Variants in CTBP2 observed in about 807,000 individuals in gnomAD.
CTBP2 encodes the protein C-terminal binding protein 2, also known as C-terminal-binding protein 2.
A neutral mutation model predicts 80.3 loss-of-function variants in CTBP2; 30 were observed. That is an observed-to-expected ratio of 0.37 (90% CI 0.28 to 0.51). The LOEUF (loss-of-function observed/expected upper bound fraction) is 0.51, where lower values mean the gene tolerates loss of function less well. Among genes scored for constraint, CTBP2 ranks in the 20% least tolerant of loss-of-function variants. The pLI, the probability that CTBP2 is intolerant of heterozygous loss-of-function variation, is 0.93. For missense variants in CTBP2, 1,212 were observed against 1,375.3 expected, an observed-to-expected ratio of 0.88 and a Z score of 1.88; for synonymous variants, 594 against 587.4, an observed-to-expected ratio of 1.01 and a Z score of -0.16.
At chr10:125,081,435 T>C (rs964550100) in intron 2 of CTBP2, among the ~76,000 whole-genome samples, 1 of 152,198 alleles carries the variant, frequency 6.6e-6, no homozygotes, top group African/African-American at 2.4e-5. Flanking sequence ...GGCACTGTGT[T>C]TAGGAAAAAT....
rs1951998556 is a variant in CTBP2, at chr10:124,984,888, CT to C, written c.*4629del. On this transcript the variant is annotated 3_prime_UTR_variant, in exon 9 of 9. Coordinates refer to ENST00000309035, the MANE Select transcript of CTBP2 (RefSeq NM_022802.3). ...GAGTTCTCGGCGGCGAAATCACCCC[CT>C]GGTCACTCAGATGGTAGAAAAATGG... The C allele has an allele frequency of 6.2e-7, 1 of 1,613,946 alleles. No homozygotes were observed. Among genetic ancestry groups the C allele is most frequent in the Non-Finnish European group, 8.5e-7 (1 of 1,180,032 alleles).
intron 3 of CTBP2, among the ~76,000 whole-genome samples, chr10:125,034,659 T>C (rs1476182917): frequency 6.6e-6 from 1 of 152,232 alleles, no homozygotes; most frequent in Non-Finnish European, 1.5e-5. Context: ...TTCAACTCTG[T>C]TTCTTTACGA....
chr10:125,046,531 C>A (rs1961285941), intron 2 of CTBP2, among the ~76,000 whole-genome samples: 2 of 66,280 alleles, frequency 3.0e-5, no homozygotes, highest in South Asian at 6.4e-4. Context: ...GAGTGAGACT[C>A]TATCTCAAAA....
chr10:125,004,438 C>T (rs1954964816), intron 1 of CTBP2, among the ~76,000 whole-genome samples: 1 of 151,196 alleles, frequency 6.6e-6, no homozygotes, highest in Non-Finnish European at 1.5e-5. Flanking sequence ...GACAGAGAAG[C>T]AGCATTTTCT....
chr10:125,027,547 G>T lies in CTBP2; in HGVS notation c.213C>A (p.Tyr71Ter), dbSNP rs768584860. ...CCACTGAGTTATAAACGGCCTCCCG[G>T]TACAGGTAGGGCTCGGCGGCCACGG... The change falls in exon 1 of 9, where the codon TAC becomes TAA. Residue 71 changes from tyrosine to a stop codon, truncating the protein, a stop_gained. Transcript: ENST00000309035. LOFTEE classifies it high-confidence loss of function. 6.2e-7 allele frequency: 1 copy of T among 1,614,026 alleles called. No homozygotes were observed. Among genetic ancestry groups the T allele is most frequent in the African/African-American group, 1.3e-5 (1 of 74,922 alleles).
intron 2 of CTBP2, among the ~76,000 whole-genome samples, chr10:125,110,763 A>G (rs764598704): frequency 4.6e-5 from 7 of 152,174 alleles, no homozygotes; most frequent in Non-Finnish European, 7.3e-5. Context: ...ATCACTTTAC[A>G]CTGAACTATA....
At chr10:125,016,434 C>T (rs935132438) in intron 1 of CTBP2, among the ~76,000 whole-genome samples, 2 of 152,352 alleles carry the variant, frequency 1.3e-5, no homozygotes, top group East Asian at 1.9e-4. Flanking sequence ...AAATGAACAA[C>T]ACGTCCTCCC....
At chr10:125,041,514 C>G (rs1478989314) in intron 2 of CTBP2, among the ~76,000 whole-genome samples, 5 of 115,134 alleles carry the variant, frequency 4.3e-5, no homozygotes, top group East Asian at 3.2e-4. Flanking sequence ...ACCCCCCCCC[C>G]CCCCACCCAC....
chr10:124,990,376 C>T (rs1236217589), intron 8 of CTBP2, among the ~76,000 whole-genome samples: 2 of 152,146 alleles, frequency 1.3e-5, no homozygotes, highest in Non-Finnish European at 1.5e-5. Flanking sequence ...AGTTTATCTT[C>T]CCTATCCCCA....
chr10:125,124,609 A>G (rs971193981), intron 1 of CTBP2, among the ~76,000 whole-genome samples: 1 of 152,206 alleles, frequency 6.6e-6, no homozygotes, highest in Admixed American at 6.5e-5. Flanking sequence ...CAAATCATCA[A>G]CATTGCTTAG....
At chr10:124,997,667 A>G (rs1953810821) in intron 4 of CTBP2, 3 of 458,050 alleles carry the variant, frequency 6.5e-6, no homozygotes, top group Non-Finnish European at 1.2e-5. Context: ...TGCCCAGGGA[A>G]ATTTACTGGG....
chr10:125,121,129 G>A (rs572271972), intron 1 of CTBP2, among the ~76,000 whole-genome samples: 1 of 152,326 alleles, frequency 6.6e-6, no homozygotes, highest in Admixed American at 6.5e-5. Context: ...GGAGCCCTTG[G>A]GTGAGGCTGT....
chr10:124,998,373 C>CCCT (rs1255639635), intron 3 of CTBP2: 2 of 609,036 alleles, frequency 3.3e-6, no homozygotes, highest in Non-Finnish European at 5.8e-6. Flanking sequence ...CAACATCTAC[C>CCCT]CCTCCCTCCC....
At chr10:125,152,067 C>T (rs1860049691) in intron 1 of CTBP2, among the ~76,000 whole-genome samples, 1 of 151,804 alleles carries the variant, frequency 6.6e-6, no homozygotes, top group African/African-American at 2.4e-5. Context: ...AGGGTGGGGC[C>T]GCCAAGTGCC....
intron 1 of CTBP2, among the ~76,000 whole-genome samples, chr10:125,142,766 C>G (rs1390462152): frequency 6.6e-6 from 1 of 152,134 alleles, no homozygotes; most frequent in African/African-American, 2.4e-5. Context: ...GCACACACCC[C>G]ACCAGGCTTC....
intron 1 of CTBP2, among the ~76,000 whole-genome samples, chr10:125,142,406 C>T (rs951113178): frequency 3.3e-5 from 5 of 152,270 alleles, no homozygotes; most frequent in African/African-American, 7.2e-5. Flanking sequence ...CCAAACTCCT[C>T]GCACTTCCTA....
chr10:125,030,599 TGA>T (rs1314286881), upstream of CTBP2, among the ~76,000 whole-genome samples: 1 of 152,198 alleles, frequency 6.6e-6, no homozygotes, highest in East Asian at 1.9e-4. Flanking sequence ...CTGCTTGAAA[TGA>T]GAGAGAAAAC....
intron 1 of CTBP2, among the ~76,000 whole-genome samples, chr10:125,144,842 C>G (rs981835472): frequency 6.6e-6 from 1 of 152,164 alleles, no homozygotes; most frequent in Non-Finnish European, 1.5e-5. Context: ...ATCTGCAAAA[C>G]CAATTTCTTT....
At chr10:125,031,667 T>C (rs892104221), upstream of CTBP2, among the ~76,000 whole-genome samples, 4 of 152,110 alleles carry the variant, frequency 2.6e-5, no homozygotes, top group African/African-American at 9.7e-5. Flanking sequence ...AAAGCAGCCT[T>C]CGTCTAAATC....
Sources: allele counts gnomAD v4.1 joint callset (sites outside exome capture counted in the v4.1 genomes callset), GRCh38; gene constraint gnomAD v4.1.1; transcripts MANE v1.5; gene names NCBI Gene and HGNC (gene_info 2026-07-23, HGNC 2026-07-21).